TRIM8: variants seen among roughly 807,000 people sequenced by gnomAD.
TRIM8 encodes the protein E3 ubiquitin-protein ligase TRIM8.
Under a neutral mutation model 55.7 loss-of-function variants are expected in TRIM8, and 9 were observed. The ratio of observed to expected loss-of-function variants is 0.16; its 90% CI spans 0.10 to 0.28. The LOEUF (loss-of-function observed/expected upper bound fraction) is 0.28, where lower values mean the gene tolerates loss of function less well. TRIM8 is among the 10% of genes least tolerant of loss of function. The pLI, the probability that TRIM8 is intolerant of heterozygous loss-of-function variation, is 1.00. For missense variants in TRIM8, 556 were observed against 736.4 expected (o/e 0.76, Z 2.83); for synonymous variants, 335 against 333.3 (o/e 1.01, Z -0.06).
rs1418583477 is a variant in TRIM8, at chr10:102,644,503, G to A, written c.-115G>A. 9.8e-7 allele frequency: 1 copy of A among 1,019,732 alleles called. No homozygotes were observed. The highest frequency in any genetic ancestry group is 1.4e-6 in the Non-Finnish European group (1 of 735,378). 63.2% of individuals were successfully genotyped at this position (1,019,732 alleles called of 1,614,324 possible). A position where few individuals can be genotyped will look rare whatever the true frequency, so the allele number is the denominator to read the frequency against. ...GGAAGGCGCTGCTGACTGAGCGACC[G>A]TCGGGGCCGGCTGGGGCCGGAGCTC... On this transcript the variant is annotated 5_prime_UTR_variant, in exon 1 of 6. Coordinates refer to ENST00000643721, the MANE Select transcript of TRIM8 (RefSeq NM_030912.3).
chr10:102,656,682 A>C lies in TRIM8; in HGVS notation c.1049-65A>C. 6.6e-7 allele frequency: 1 copy of C among 1,505,530 alleles called. No homozygotes were observed. The highest frequency in any genetic ancestry group is 8.9e-7 in the Non-Finnish European group (1 of 1,129,072). The allele number at this position is 1,505,530 out of a possible 1,614,324, so 93.3% of individuals were successfully genotyped here. ...TGTCAATGGTCCCCAGGTCCAACCCAGGGAGAGGAGGCCTGGGTTGCTTGG... is the reference window on the plus strand; with the variant it reads ...TGTCAATGGTCCCCAGGTCCAACCCCGGGAGAGGAGGCCTGGGTTGCTTGG... On this transcript the variant is annotated intron_variant, in intron 5 of 5. Coordinates refer to ENST00000643721, the MANE Select transcript of TRIM8 (RefSeq NM_030912.3). This position sits in a 1 kb window ranked among gnomAD's most constrained non-coding sequence, Gnocchi z 4.6.
Position 102,657,383 on chromosome 10 carries a change from A to C in TRIM8, c.*29A>C. The C allele has an allele frequency of 6.5e-7, 1 of 1,528,614 alleles. No homozygotes were observed. Among genetic ancestry groups the C allele is most frequent in the South Asian group, 1.3e-5 (1 of 77,952 alleles). 94.7% of individuals were successfully genotyped at this position (1,528,614 alleles called of 1,614,324 possible). On this transcript the variant is annotated 3_prime_UTR_variant, in exon 6 of 6. Transcript: ENST00000643721. ...CACGCAGGCGGCGGGGCGCTGGGGAATCTTCCTCCCCAGCCCCCGGGCTCG... is the reference window on the plus strand; with the variant it reads ...CACGCAGGCGGCGGGGCGCTGGGGACTCTTCCTCCCCAGCCCCCGGGCTCG...
chr10:102,656,101 A>C lies in TRIM8; in HGVS notation c.901-5A>C. The C allele has an allele frequency of 6.2e-7, 1 of 1,613,968 alleles. No homozygotes were observed. The highest frequency in any genetic ancestry group is 8.5e-7 in the Non-Finnish European group (1 of 1,179,980). On this transcript the variant is annotated splice_polypyrimidine_tract_variant and splice_region_variant and intron_variant, in intron 3 of 5. Coordinates refer to ENST00000643721, the MANE Select transcript of TRIM8 (RefSeq NM_030912.3). The surrounding 1 kb of genome is among the most constrained non-coding windows in gnomAD (Gnocchi z 4.6). Reference sequence around the variant, plus strand: ...ACTGACTTGACTCTTTTCTCTCCCCAACAGAACACCAAGTCTGTGAAAATC... The same window carrying C: ...ACTGACTTGACTCTTTTCTCTCCCCCACAGAACACCAAGTCTGTGAAAATC...
At chr10:102,649,053 T>C (rs865999053) in intron 1 of TRIM8, among the ~76,000 whole-genome samples, 5 of 152,002 alleles carry the variant, frequency 3.3e-5, no homozygotes, top group African/African-American at 4.8e-5. Flanking sequence ...TGTGTGTGTG[T>C]GCGTGCATGT....
At position 102,656,298 on chromosome 10, in the gene TRIM8, T is replaced by G; in HGVS notation, c.961T>G (p.Ser321Ala). Residue 321 changes from serine (S) to alanine (A), a missense_variant, in exon 5 of 6, where the codon TCC becomes GCC. Ser to Ala is a moderately conservative substitution (Grantham distance 99, BLOSUM62 1). This residue lies in a region of TRIM8 where 391 missense variants were observed against 441.0 expected (regional missense o/e 0.89). Coordinates refer to ENST00000643721, the MANE Select transcript of TRIM8 (RefSeq NM_030912.3). This position sits in a 1 kb window ranked among gnomAD's most constrained non-coding sequence, Gnocchi z 4.6. Reference sequence around the variant, plus strand: ...CCAGACCTGCACGAGCAGCAGCCTTTCCCCCACTAAGATCGGCCACCTGAA... The same window carrying G: ...CCAGACCTGCACGAGCAGCAGCCTTGCCCCCACTAAGATCGGCCACCTGAA... ...RTQTCTSSSLSPTKIGHLNSK... is the reference protein window; with the variant it reads ...RTQTCTSSSLAPTKIGHLNSK... The G allele has an allele frequency of 6.2e-7, 1 of 1,614,072 alleles. No individual in the cohort carries two copies. The highest frequency in any genetic ancestry group is 8.5e-7 in the Non-Finnish European group (1 of 1,179,998).
rs2064036934 is a variant in TRIM8 at position 102,657,439 on chromosome 10, AC to A, written c.*87del. 6.9e-7 allele frequency: 1 copy of A among 1,458,254 alleles called. No homozygotes were observed. Among genetic ancestry groups the A allele is most frequent in the Admixed American group, 2.5e-5 (1 of 39,722 alleles). The allele number at this position is 1,458,254 out of a possible 1,614,324, so 90.3% of individuals were successfully genotyped here. On this transcript the variant is annotated 3_prime_UTR_variant, in exon 6 of 6. Transcript: ENST00000643721. ...TATGCATCCAGAGACCTGCCCTTCT[AC>A]CTTCCTCGCCTCCCCTCTTCCTCAT... is the stretch of plus-strand genomic sequence containing the variant.
rs1316585274 is a variant in TRIM8 at position 102,657,587 on chromosome 10, G to C, written c.*233G>C. On this transcript the variant is annotated 3_prime_UTR_variant, in exon 6 of 6. Transcript: ENST00000643721. Reference sequence around the variant, plus strand: ...AGTGGGAGCTGGCCTGGGCCAGGACGGCAGGTGGCCCTGGAGATGGGAAAG... The same window carrying C: ...AGTGGGAGCTGGCCTGGGCCAGGACCGCAGGTGGCCCTGGAGATGGGAAAG... The C allele has an allele frequency of 8.1e-6, 4 of 492,408 alleles. No homozygotes were observed. Among genetic ancestry groups the C allele is most frequent in the Non-Finnish European group, 1.0e-5 (3 of 287,860 alleles). The allele number at this position is 492,408 out of a possible 1,614,324, so 30.5% of individuals were successfully genotyped here.
rs201074269 is a variant in TRIM8, at chr10:102,657,399, C to G, written c.*45C>G. On this transcript the variant is annotated 3_prime_UTR_variant, in exon 6 of 6. Transcript: ENST00000643721. The stretch of plus-strand genomic sequence containing the variant: ...CGCTGGGGAATCTTCCTCCCCAGCC[C>G]CCGGGCTCGGGAGTTATGCATCCAG... 1.3e-6 allele frequency: 2 copies of G among 1,518,854 alleles called. No homozygotes were observed. The highest frequency in any genetic ancestry group is 2.2e-5 in the Admixed American group (1 of 45,740). The allele number at this position is 1,518,854 out of a possible 1,614,324, so 94.1% of individuals were successfully genotyped here.
Position 102,657,192 on chromosome 10 carries a change from C to T in TRIM8, c.1494C>T (p.Pro498=), listed in dbSNP as rs2135985276. Residue 498 remains proline (P), a synonymous_variant, in exon 6 of 6, where the codon CCC becomes CCT. Coordinates refer to ENST00000643721, the MANE Select transcript of TRIM8 (RefSeq NM_030912.3). ...CCGGCCACTTTCCCTGGACAGTGCC[C>T]TCGCAGGAGTACTCACACCCGCTCC... is the stretch of plus-strand genomic sequence containing the variant. The part of the protein sequence containing the change: ...PRSGHFPWTV[P]SQEYSHPLPP... 1.9e-6 allele frequency: 3 copies of T among 1,613,932 alleles called. No homozygotes were observed. Among genetic ancestry groups the T allele is most frequent in the Non-Finnish European group, 2.5e-6 (3 of 1,179,954 alleles).
At chr10:102,649,665 CCT>C (rs2063964862) in intron 1 of TRIM8, among the ~76,000 whole-genome samples, 1 of 152,100 alleles carries the variant, frequency 6.6e-6, no homozygotes, top group Admixed American at 6.5e-5. Flanking sequence ...GCTGGGAAGC[CCT>C]CTCTGGGGTC....
chr10:102,652,443 T>C (rs1480354373), intron 1 of TRIM8, among the ~76,000 whole-genome samples: 18 of 152,340 alleles, frequency 1.2e-4, no homozygotes, highest in Non-Finnish European at 2.5e-4. Flanking sequence ...CCTTGCAGCA[T>C]GACAGTTACT....
Position 102,645,122 on chromosome 10 carries a change from T to G in TRIM8, c.505T>G (p.Tyr169Asp). 1 of 1,588,562 alleles carries G rather than the reference T, an allele frequency of 6.3e-7. No individual in the cohort carries two copies. Among genetic ancestry groups the G allele is most frequent in the Non-Finnish European group, 8.5e-7 (1 of 1,175,198 alleles). The change falls in exon 1 of 6, where the codon TAC becomes GAC. Residue 169 changes from tyrosine (Y) to aspartate (D), a missense_variant. Transcript: ENST00000643721. ...GGTGGCCGTGTGCCAGTACTGCTGC[T>G]ACTACAGCGGCGCGCATCAGGGACA... The part of the protein sequence containing the change: ...EQVAVCQYCC[Y>D]YSGAHQGHSV...
In TRIM8 at chr10:102,644,728, C is replaced by T; in HGVS notation, c.111C>T (p.Gly37=). The change falls in exon 1 of 6, where the codon GGC becomes GGT. Residue 37 remains glycine (G), a synonymous_variant. Coordinates refer to ENST00000643721, the MANE Select transcript of TRIM8 (RefSeq NM_030912.3). ...QLPCKHNFCR[G]CIGEAWAKDS... is the part of the protein sequence containing the mutation. ...CGTGCAAACACAACTTCTGCCGGGG[C>T]TGCATCGGCGAGGCGTGGGCCAAGG... The T allele has an allele frequency of 1.2e-6, 2 of 1,613,450 alleles. No individual in the cohort carries two copies. Among genetic ancestry groups the T allele is most frequent in the Non-Finnish European group, 1.7e-6 (2 of 1,179,882 alleles).
chr10:102,655,420 G>A, intron 3 of TRIM8, 107 bp downstream of exon 3: 1 of 1,048,734 alleles, frequency 9.5e-7, no homozygotes, highest in Non-Finnish European at 1.4e-6. Flanking sequence ...TTTGGAGCCA[G>A]CATGCATGGG....
Position 102,656,841 on chromosome 10 carries a change from G to T in TRIM8, c.1143G>T (p.Thr381=), listed in dbSNP as rs781102472. ...SSGAEKRKHS[T]AFPEASFLET... ...GGGCGGAAAAGCGCAAGCACTCAACGGCCTTCCCAGAGGCCAGTTTCCTAG... is the reference window on the plus strand; with the variant it reads ...GGGCGGAAAAGCGCAAGCACTCAACTGCCTTCCCAGAGGCCAGTTTCCTAG... The change falls in exon 6 of 6, where the codon ACG becomes ACT. Residue 381 remains threonine (T), a synonymous_variant. Coordinates refer to ENST00000643721, the MANE Select transcript of TRIM8 (RefSeq NM_030912.3). This position sits in a 1 kb window ranked among gnomAD's most constrained non-coding sequence, Gnocchi z 4.6. 1 of 1,546,756 alleles carries T rather than the reference G, an allele frequency of 6.5e-7. No individual in the cohort carries two copies.
rs1020605607 is a variant in TRIM8, at chr10:102,656,819, C to T, written c.1121C>T (p.Ala374Val). The change falls in exon 6 of 6, where the codon GCG (alanine) becomes GTG (valine). Residue 374 changes from alanine (A) to valine (V), a missense_variant. By Grantham distance (64) the Ala-to-Val change is moderately conservative (BLOSUM62 0). This residue lies in a region of TRIM8 where 391 missense variants were observed against 441.0 expected (regional missense o/e 0.89). Transcript: ENST00000643721. This position sits in a 1 kb window ranked among gnomAD's most constrained non-coding sequence, Gnocchi z 4.6. ...LYPCGVSSSGAEKRKHSTAFP... is the reference protein window; with the variant it reads ...LYPCGVSSSGVEKRKHSTAFP... ...CCTTGCGGCGTGAGCAGCTCTGGGG[C>T]GGAAAAGCGCAAGCACTCAACGGCC... is the stretch of plus-strand genomic sequence containing the variant. 1.6e-5 allele frequency: 25 copies of T among 1,529,800 alleles called. No individual in the cohort carries two copies. Among genetic ancestry groups the T allele is most frequent in the Non-Finnish European group, 1.9e-5 (22 of 1,140,074 alleles). The allele number at this position is 1,529,800 out of a possible 1,614,324, so 94.8% of individuals were successfully genotyped here. A position where few individuals can be genotyped will look rare whatever the true frequency, so the allele number is the denominator to read the frequency against.
In TRIM8 at chr10:102,652,890, G is replaced by A. The variant is rs574252392; in HGVS notation, c.571-1763G>A. Reference sequence around the variant, plus strand: ...GCGATCTTGGCTCGCTACAGCCTTCGTCTCCCGGGTTCAAGTGATTCTCCT... The same window carrying A: ...GCGATCTTGGCTCGCTACAGCCTTCATCTCCCGGGTTCAAGTGATTCTCCT... On this transcript the variant is annotated intron_variant, in intron 1 of 5. Transcript: ENST00000643721. Among the ~76,000 whole-genome samples the A allele has an allele frequency of 6.6e-5, 10 of 150,922 alleles. No homozygotes were observed. The East Asian group carries it at 1.6e-3, about 24-fold the overall frequency.
intron 1 of TRIM8, 52 bp downstream of exon 1, chr10:102,645,239 C>T: frequency 6.9e-7 from 1 of 1,447,928 alleles, no homozygotes; most frequent in Non-Finnish European, 9.0e-7. Flanking sequence ...ACACACAGTC[C>T]CTTCCTCTCT....
At chr10:102,654,775 G>A in intron 2 of TRIM8, 27 bp downstream of exon 2, 2 of 1,569,442 alleles carry the variant, frequency 1.3e-6, no homozygotes, top group Non-Finnish European at 1.8e-6. Context: ...CCATGCTGCG[G>A]GGTGGGGGTG....
Sources: gnomAD v4.1 joint callset for allele counts (sites outside exome capture counted in the v4.1 genomes callset) on GRCh38, gnomAD v4.1.1 for gene constraint, gnomAD v4.1.1 regional missense constraint, Gnocchi (gnomAD v3.1) non-coding constraint, MANE v1.5 for transcripts, NCBI Gene and HGNC (gene_info 2026-07-23, HGNC 2026-07-21) for gene names.